UGT1A3: variants seen among roughly 807,000 people sequenced by gnomAD.
UGT1A3 encodes UDP glucuronosyltransferase family 1 member A3.
UGT1A3 carries 31 observed loss-of-function variants against 41.0 expected under a neutral mutation model. The observed-to-expected ratio is 0.76, with a 90% confidence interval of 0.57 to 1.02. The LOEUF is 1.02. UGT1A3 is among the 50% of genes least tolerant of loss of function. The probability of loss-of-function intolerance (pLI) is 0.00; values close to 1 mark genes in which losing one functional copy is unlikely to be tolerated. For synonymous variants in UGT1A3, 262 were observed against 257.6 expected, an observed-to-expected ratio of 1.02 and a Z score of -0.17; for missense variants, 737 against 671.0, an observed-to-expected ratio of 1.10 and a Z score of -1.09.
intron 1 of UGT1A3, among the ~76,000 whole-genome samples, chr2:233,757,055 C>T (rs1475700124): frequency 1.3e-5 from 2 of 151,398 alleles, no homozygotes; most frequent in African/African-American, 2.4e-5. Flanking sequence ...GTTTGGGGAA[C>T]AGCAAGGGAT....
At chr2:233,748,132 A>T in intron 1 of UGT1A3, 1 of 1,610,152 alleles carries the variant, frequency 6.2e-7, no homozygotes, top group Middle Eastern at 2.1e-4. Flanking sequence ...CAGTTTTTAA[A>T]AATTGTATTT....
Position 233,772,513 on chromosome 2 carries a change from G to C in UGT1A3, c.1559G>C (p.Gly520Ala), listed in dbSNP as rs867885761. ...CCAYGYRKCL[G>A]KKGRVKKAHK... ...GCTTATGGCTACCGGAAATGCTTGG[G>C]GAAAAAAGGGCGAGTTAAGAAAGCC... The change falls in exon 5 of 5, where the codon GGG (glycine) becomes GCG (alanine). Residue 520 changes from glycine to alanine, a missense_variant. Gly to Ala is a moderately conservative substitution (Grantham distance 60). Transcript: ENST00000482026. 26 of 1,614,000 alleles carry C rather than the reference G, an allele frequency of 1.6e-5. 1 individual carries two copies. In the East Asian group the frequency reaches 5.6e-4, roughly 35 times the overall value.
intron 1 of UGT1A3, among the ~76,000 whole-genome samples, chr2:233,746,350 C>T (rs1287151444): frequency 6.6e-6 from 1 of 151,744 alleles, no homozygotes; most frequent in Non-Finnish European, 1.5e-5. Flanking sequence ...GTTTATGTTG[C>T]TCCTTTAGTA....
At chr2:233,765,166 G>T (rs1228376175) in intron 1 of UGT1A3, among the ~76,000 whole-genome samples, 1 of 152,128 alleles carries the variant, frequency 6.6e-6, no homozygotes, top group Non-Finnish European at 1.5e-5. Flanking sequence ...CCCTCAGTTT[G>T]GGCAAGCCCT....
At chr2:233,733,817 C>T (rs994930501) in intron 1 of UGT1A3, among the ~76,000 whole-genome samples, 1 of 152,092 alleles carries the variant, frequency 6.6e-6, no homozygotes, top group Admixed American at 6.5e-5. Flanking sequence ...ATGCTGGCCT[C>T]ATAAAATGAG....
intron 1 of UGT1A3, chr2:233,748,083 G>T (rs1025205090): frequency 2.2e-5 from 36 of 1,612,854 alleles, no homozygotes; most frequent in Non-Finnish European, 2.8e-5. Context: ...ATCTCAGGTC[G>T]GTGTTCGTGC....
rs2077784718 is a variant in UGT1A3 at position 233,729,074 on chromosome 2, T to G, written c.-53T>G. 9 of 1,611,804 alleles carry G rather than the reference T, an allele frequency of 5.6e-6. No individual in the cohort carries two copies. The Admixed American group carries it at 8.3e-5, about 15-fold the overall frequency. ...AGGTAATTAAGATGAAGAAAGCAAATGTAGCAGGCACAGCGTGGGGTGGAC... is the reference window on the plus strand; with the variant it reads ...AGGTAATTAAGATGAAGAAAGCAAAGGTAGCAGGCACAGCGTGGGGTGGAC... On this transcript the variant is annotated 5_prime_UTR_variant, in exon 1 of 5. It removes an upstream start codon present in the reference 5' UTR. Transcript: ENST00000482026.
chr2:233,739,782 C>T (rs1351387026), intron 1 of UGT1A3, among the ~76,000 whole-genome samples: 1 of 152,030 alleles, frequency 6.6e-6, no homozygotes, highest in Non-Finnish European at 1.5e-5. Context: ...TGAGTTAAGA[C>T]TTTGGAGGAC....
rs73999011 is a variant in UGT1A3, at chr2:233,757,577, C to G, written c.868-9457C>G. 5.1e-3 allele frequency among the ~76,000 whole-genome samples: 424 copies of G among 82,900 alleles called. 2 individuals are homozygous for G. Among genetic ancestry groups the G allele is most frequent in the African/African-American group, 0.022 (407 of 18,728 alleles). The allele number at this position is 82,900 out of a possible 152,430, so 54.4% of individuals were successfully genotyped here. On this transcript the variant is annotated intron_variant, in intron 1 of 4. Transcript: ENST00000482026. ...ATATATATATGTATATATGATATAGCTATAGTCTAATAGCAAGGACAGATA... is the reference window on the plus strand; with the variant it reads ...ATATATATATGTATATATGATATAGGTATAGTCTAATAGCAAGGACAGATA...
At chr2:233,747,916 C>A in intron 1 of UGT1A3, 1 of 1,613,518 alleles carries the variant, frequency 6.2e-7, no homozygotes, top group South Asian at 1.1e-5. Context: ...GCAAGCCTTG[C>A]CTCTGAGCTT....
intron 1 of UGT1A3, chr2:233,742,966 C>G: frequency 4.5e-6 from 1 of 219,782 alleles, no homozygotes; most frequent in Non-Finnish European, 9.2e-6. Context: ...TTGTCTGCCT[C>G]AGGCTTAAGT....
At chr2:233,753,889 A>G (rs1695337033) in intron 1 of UGT1A3, among the ~76,000 whole-genome samples, 1 of 152,212 alleles carries the variant, frequency 6.6e-6, no homozygotes, top group Non-Finnish European at 1.5e-5. Context: ...AGCCTTCAGA[A>G]GGAACATGCT....
At chr2:233,742,623 T>C (rs1436879759) in intron 1 of UGT1A3, 3 of 151,992 alleles carry the variant, frequency 2.0e-5, no homozygotes, top group Non-Finnish European at 2.9e-5. Flanking sequence ...ACGTTCAGGC[T>C]GAAGACAGTC....
chr2:233,761,009 A>T, intron 1 of UGT1A3: 2 of 1,614,002 alleles, frequency 1.2e-6, no homozygotes, highest in Non-Finnish European at 1.7e-6. Flanking sequence ...CTTCAGAGAG[A>T]GGTGACTGTC....
chr2:233,742,188 G>A (rs1460351470), intron 1 of UGT1A3, among the ~76,000 whole-genome samples: 8 of 151,916 alleles, frequency 5.3e-5, no homozygotes, highest in Non-Finnish European at 8.8e-5. Context: ...AGTGTGGAGT[G>A]GGAAATCAGG....
rs111385892 is a variant in UGT1A3, at chr2:233,757,128, A to T, written c.868-9906A>T. Among the ~76,000 whole-genome samples the T allele has an allele frequency of 1.2e-3, 185 of 151,286 alleles. 2 individuals carry two copies. The highest frequency in any genetic ancestry group is 4.0e-3 in the African/African-American group (165 of 41,200). On this transcript the variant is annotated intron_variant, in intron 1 of 4. Transcript: ENST00000482026. Reference sequence around the variant, plus strand: ...CAAGCAGAAGGGCTAGAGAGGAGGAATGAGCTTGGACAGGTGGGCTGGGGT... The same window carrying T: ...CAAGCAGAAGGGCTAGAGAGGAGGATTGAGCTTGGACAGGTGGGCTGGGGT...
Position 233,769,781 on chromosome 2 carries a change from G to A in UGT1A3, c.1307+1342G>A. On this transcript the variant is annotated intron_variant, in intron 4 of 4. Coordinates refer to ENST00000482026, the MANE Select transcript of UGT1A3 (RefSeq NM_019093.4). The surrounding 1 kb of genome is among the most constrained non-coding windows in gnomAD (Gnocchi z 4.4). ...AAGGCGGGAGGATTGCTTGAGCCCAGAAGTTGGAGGCTGCTATGAGCCGTG... is the reference window on the plus strand; with the variant it reads ...AAGGCGGGAGGATTGCTTGAGCCCAAAAGTTGGAGGCTGCTATGAGCCGTG... 1 of 1,329,528 alleles carries A rather than the reference G, an allele frequency of 7.5e-7. No homozygotes were observed. The highest frequency in any genetic ancestry group is 9.9e-7 in the Non-Finnish European group (1 of 1,014,222). 82.4% of individuals were successfully genotyped at this position (1,329,528 alleles called of 1,614,324 possible). A position where few individuals can be genotyped will look rare whatever the true frequency, so the allele number is the denominator to read the frequency against.
chr2:233,742,633 C>A (rs1280681642), intron 1 of UGT1A3: 1 of 152,070 alleles, frequency 6.6e-6, no homozygotes, highest in African/African-American at 2.4e-5. Context: ...TGAAGACAGT[C>A]CTAGTATACC....
intron 1 of UGT1A3, among the ~76,000 whole-genome samples, chr2:233,749,893 C>T (rs141027223): frequency 6.6e-6 from 1 of 151,938 alleles, no homozygotes; most frequent in African/African-American, 2.4e-5. Context: ...GAGGCTCCCC[C>T]CTCCAGCCAC....
Sources: allele counts gnomAD v4.1 joint callset (sites outside exome capture counted in the v4.1 genomes callset), GRCh38; gene constraint gnomAD v4.1.1; non-coding constraint Gnocchi (gnomAD v3.1); transcripts MANE v1.5; gene names NCBI Gene and HGNC (gene_info 2026-07-23, HGNC 2026-07-21).